Variants in CSNK1G3 observed in about 807,000 individuals in gnomAD.
The protein encoded by CSNK1G3 is casein kinase 1 gamma 3.
A neutral mutation model predicts 64.3 loss-of-function variants in CSNK1G3; 23 were observed. The observed-to-expected ratio is 0.36, with a 90% CI of 0.26 to 0.51. CSNK1G3 has a LOEUF of 0.51. CSNK1G3 is among the 20% of genes least tolerant of loss of function. The probability of loss-of-function intolerance (pLI) is 0.96; values close to 1 mark genes in which losing one functional copy is unlikely to be tolerated. For synonymous variants in CSNK1G3, 158 were observed against 162.2 expected, an observed-to-expected ratio of 0.97 and a Z score of 0.20; for missense variants, 357 against 510.5, an observed-to-expected ratio of 0.70 and a Z score of 2.90.
Position 123,545,657 on chromosome 5 carries a change from ACT to A in CSNK1G3, c.-6_-5del. The A allele has an allele frequency of 6.2e-7, 1 of 1,610,402 alleles. No individual in the cohort carries two copies. The highest frequency in any genetic ancestry group is 8.5e-7 in the Non-Finnish European group (1 of 1,177,612). On this transcript the variant is annotated 5_prime_UTR_variant, in exon 2 of 13. In the 5' UTR this introduces an upstream ATG that the reference lacks. Coordinates refer to ENST00000345990, the Ensembl canonical transcript of CSNK1G3. ...AAGAATTCAAAGTGGAGTACCGCAA[ACT>A]TGATATGGAAAATAAAAAGAAAGAC...
At chr5:123,575,622 C>T (rs1789014113) in intron 5 of CSNK1G3, 107 bp from the exon 6 acceptor site, 2 of 672,192 alleles carry the variant, frequency 3.0e-6, no homozygotes, top group Non-Finnish European at 5.1e-6. Flanking sequence ...GAAACAATTT[C>T]TGATTTATTT....
intron 5 of CSNK1G3, among the ~76,000 whole-genome samples, chr5:123,573,896 G>C (rs2150704223): frequency 6.6e-6 from 1 of 150,884 alleles, no homozygotes. Context: ...GTTGTCCAGG[G>C]CGGAGAGCGG....
intron 2 of CSNK1G3, among the ~76,000 whole-genome samples, chr5:123,546,540 A>G (rs975417256): frequency 9.9e-5 from 15 of 152,118 alleles, no homozygotes; most frequent in Admixed American, 9.2e-4. Context: ...AACTTCCAGT[A>G]CAGTAGTGAT....
intron 10 of CSNK1G3, among the ~76,000 whole-genome samples, chr5:123,604,116 G>A (rs1794943071): frequency 6.6e-6 from 1 of 152,024 alleles, no homozygotes; most frequent in African/African-American, 2.4e-5. Context: ...GAGATGGTGA[G>A]AATTGATTAG....
At chr5:123,605,806 C>A (rs1795271721) in intron 12 of CSNK1G3, among the ~76,000 whole-genome samples, 1 of 152,022 alleles carries the variant, frequency 6.6e-6, no homozygotes, top group African/African-American at 2.4e-5. Flanking sequence ...ATTATCATTG[C>A]CCTTGAGTAC....
intron 6 of CSNK1G3, among the ~76,000 whole-genome samples, chr5:123,587,749 G>A (rs1581303016): frequency 6.6e-6 from 1 of 152,134 alleles, no homozygotes; most frequent in East Asian, 1.9e-4. Context: ...AGACAGAGCT[G>A]TAGTATACAG....
chr5:123,537,718 A>G (rs1215585899), intron 1 of CSNK1G3, among the ~76,000 whole-genome samples: 1 of 152,164 alleles, frequency 6.6e-6, no homozygotes, highest in Non-Finnish European at 1.5e-5. Flanking sequence ...CATACAATGC[A>G]TAGATTTTAA....
At chr5:123,565,542 A>G (rs757053295) in intron 4 of CSNK1G3, among the ~76,000 whole-genome samples, 2 of 152,236 alleles carry the variant, frequency 1.3e-5, no homozygotes, top group African/African-American at 4.8e-5. Flanking sequence ...AAATTTCCTA[A>G]TAAGTTTGTT....
intron 2 of CSNK1G3, among the ~76,000 whole-genome samples, chr5:123,548,661 G>A (rs939708137): frequency 1.3e-5 from 2 of 151,904 alleles, no homozygotes; most frequent in Admixed American, 6.6e-5. Context: ...GAGTGGAGTG[G>A]CTGAGTTAGG....
chr5:123,575,911 G>A, exon 6 of CSNK1G3: 1 of 1,613,492 alleles, frequency 6.2e-7, no homozygotes, highest in Non-Finnish European at 8.5e-7. Flanking sequence ...GAGAACACAA[G>A]AGCCTTACAG....
intron 4 of CSNK1G3, among the ~76,000 whole-genome samples, chr5:123,563,319 G>A (rs1025821759): frequency 7.2e-5 from 11 of 151,898 alleles, no homozygotes; most frequent in African/African-American, 2.7e-4. Flanking sequence ...GTAGTTCTAA[G>A]CAATAATTTG....
At chr5:123,555,227 C>G (rs1296966511) in intron 3 of CSNK1G3, among the ~76,000 whole-genome samples, 1 of 152,144 alleles carries the variant, frequency 6.6e-6, no homozygotes, top group South Asian at 2.1e-4. Context: ...GGATCTATGT[C>G]TCTAGTATTT....
At chr5:123,585,237 T>A (rs1246961511) in intron 6 of CSNK1G3, among the ~76,000 whole-genome samples, 2 of 152,010 alleles carry the variant, frequency 1.3e-5, no homozygotes, top group Non-Finnish European at 2.9e-5. Context: ...CAAGAAACTA[T>A]ATGAGAGTAG....
intron 6 of CSNK1G3, among the ~76,000 whole-genome samples, chr5:123,576,279 C>A (rs1290928362): frequency 6.6e-6 from 1 of 152,012 alleles, no homozygotes; most frequent in Non-Finnish European, 1.5e-5. Flanking sequence ...TGAGAGAATA[C>A]CAAATTTTAA....
intron 10 of CSNK1G3, among the ~76,000 whole-genome samples, chr5:123,599,692 C>A (rs1022293978): frequency 6.6e-6 from 1 of 152,070 alleles, no homozygotes; most frequent in African/African-American, 2.4e-5. Context: ...GTGACTATTA[C>A]AATCACATCT....
intron 1 of CSNK1G3, among the ~76,000 whole-genome samples, chr5:123,541,769 G>A (rs1269861789): frequency 6.6e-6 from 1 of 152,018 alleles, no homozygotes; most frequent in East Asian, 1.9e-4. Context: ...GTTTGTAGTT[G>A]AGTCTTGCTT....
intron 1 of CSNK1G3, among the ~76,000 whole-genome samples, chr5:123,538,178 T>A (rs1781136901): frequency 6.6e-6 from 1 of 152,190 alleles, no homozygotes; most frequent in Admixed American, 6.6e-5. Flanking sequence ...CATTTTTATT[T>A]CCTTGGGTAA....
chr5:123,573,806 A>G (rs1009480736), intron 5 of CSNK1G3, among the ~76,000 whole-genome samples: 8 of 152,070 alleles, frequency 5.3e-5, no homozygotes, highest in Non-Finnish European at 1.0e-4. Flanking sequence ...CCATTTCTTC[A>G]TATAAAAGAT....
intron 1 of CSNK1G3, among the ~76,000 whole-genome samples, chr5:123,530,370 A>T (rs1356605611): frequency 6.6e-6 from 1 of 152,152 alleles, no homozygotes; most frequent in Non-Finnish European, 1.5e-5. Context: ...AATTTATTTA[A>T]TTGTAACTGA....
Sources: allele counts gnomAD v4.1 joint callset (sites outside exome capture counted in the v4.1 genomes callset), GRCh38; gene constraint gnomAD v4.1.1; transcripts MANE v1.5; gene names NCBI Gene and HGNC (gene_info 2026-07-23, HGNC 2026-07-21).